Variants in NRG1 observed in about 807,000 individuals in gnomAD.
The protein encoded by NRG1 is neuregulin 1.
Under a neutral mutation model 63.8 loss-of-function variants are expected in NRG1, and 18 were observed. The observed-to-expected ratio is 0.28, with a 90% CI of 0.19 to 0.42. NRG1 has a LOEUF of 0.42. Among genes scored for constraint, NRG1 ranks in the 10% least tolerant of loss-of-function variants. The pLI is 1.00. For missense variants in NRG1, 762 were observed against 814.7 expected (o/e 0.94, Z 0.79); for synonymous variants, 302 against 301.3 (o/e 1.00, Z -0.02).
chr8:32,340,293 G>C (rs1042412348), intron 1 of NRG1, among the ~76,000 whole-genome samples: 2 of 152,142 alleles, frequency 1.3e-5, no homozygotes, highest in African/African-American at 2.4e-5. Flanking sequence ...TCCTGGGGCA[G>C]GCTTAATGAC....
intron 1 of NRG1, among the ~76,000 whole-genome samples, chr8:32,035,783 T>G (rs549353102): frequency 4.9e-4 from 74 of 152,330 alleles, no homozygotes; most frequent in African/African-American, 1.5e-3. Flanking sequence ...GTTTTCCACT[T>G]GCTTGGTAAA....
At chr8:32,647,183 G>T (rs959600306) in intron 5 of NRG1, 1 of 985,332 alleles carries the variant, frequency 1.0e-6, no homozygotes, top group Non-Finnish European at 1.2e-6. Context: ...TTCAGCCGTC[G>T]TCGCGTTAAC....
intron 3 of NRG1, among the ~76,000 whole-genome samples, chr8:32,607,492 A>G (rs914095794): frequency 6.6e-6 from 1 of 152,186 alleles, no homozygotes; most frequent in Admixed American, 6.5e-5. Context: ...GAAGTATCAT[A>G]TTGATTATTC....
At chr8:32,479,125 C>T (rs1234565581) in intron 1 of NRG1, among the ~76,000 whole-genome samples, 10 of 152,034 alleles carry the variant, frequency 6.6e-5, no homozygotes, top group Admixed American at 2.6e-4. Context: ...CAGACCCTGG[C>T]GGAGTGCCAA....
At chr8:32,067,755 A>G (rs117343002) in intron 1 of NRG1, among the ~76,000 whole-genome samples, 1 of 152,342 alleles carries the variant, frequency 6.6e-6, no homozygotes, top group East Asian at 1.9e-4. Flanking sequence ...TTCCAAGTAC[A>G]TTAACTATGT....
At chr8:32,526,946 A>T (rs771311569) in intron 1 of NRG1, among the ~76,000 whole-genome samples, 2 of 152,124 alleles carry the variant, frequency 1.3e-5, no homozygotes, top group Non-Finnish European at 2.9e-5. Flanking sequence ...TACCTAAGAA[A>T]TCTAGTCTCA....
intron 1 of NRG1, among the ~76,000 whole-genome samples, chr8:32,195,573 A>G (rs1586003545): frequency 6.6e-6 from 1 of 152,236 alleles, no homozygotes; most frequent in East Asian, 1.9e-4. Context: ...TGTTTGGTTT[A>G]CTAATCCACA....
At position 31,924,350 on chromosome 8, in the gene NRG1, C is replaced by CA. The variant is rs5890605; in HGVS notation, c.37+284933dup. ...TGGGCAATACAGGGAGACTCCATCT[C>CA]AAAAAAAAAAAAAATTGCTTATCCA... On this transcript the variant is annotated intron_variant, in intron 1 of 10. Transcript: ENST00000519301. Among the ~76,000 whole-genome samples, 504 of 145,792 alleles carry CA rather than the reference C, an allele frequency of 3.5e-3. 1 individual carries two copies. Among genetic ancestry groups the CA allele is most frequent in the Middle Eastern group, 0.014 (4 of 282 alleles).
intron 1 of NRG1, among the ~76,000 whole-genome samples, chr8:32,160,442 ACAGT>A (rs1838700333): frequency 6.6e-6 from 1 of 152,242 alleles, no homozygotes; most frequent in South Asian, 2.1e-4. Flanking sequence ...GAGGAAACTG[ACAGT>A]CAGTGATGCT....
At chr8:32,091,367 T>A (rs1829133073) in intron 1 of NRG1, among the ~76,000 whole-genome samples, 1 of 152,124 alleles carries the variant, frequency 6.6e-6, no homozygotes, top group Non-Finnish European at 1.5e-5. Context: ...CAATGACATT[T>A]ACAATGATCA....
rs372782723 is a variant in NRG1 at position 31,718,178 on chromosome 8, AT to A, written c.37+78758del. Reference sequence around the variant, plus strand: ...TCTAGAAGATAACTGCTAGTTCTACATTTTTTTTTTTGTCTGAAGTTGTGTT... The same window carrying A: ...TCTAGAAGATAACTGCTAGTTCTACATTTTTTTTTTGTCTGAAGTTGTGTT... On this transcript the variant is annotated intron_variant, in intron 1 of 10. Transcript: ENST00000519301. 7.0e-3 allele frequency among the ~76,000 whole-genome samples: 1,014 copies of A among 145,422 alleles called. 14 individuals carry two copies. Among genetic ancestry groups the A allele is most frequent in the African/African-American group, 0.019 (775 of 40,024 alleles).
intron 1 of NRG1, among the ~76,000 whole-genome samples, chr8:32,225,572 A>C (rs1402667947): frequency 6.6e-6 from 1 of 152,086 alleles, no homozygotes; most frequent in Non-Finnish European, 1.5e-5. Flanking sequence ...ATTATGGAGC[A>C]TTTGGGGGTG....
At chr8:32,338,995 G>T (rs990722501) in intron 1 of NRG1, among the ~76,000 whole-genome samples, 5 of 152,090 alleles carry the variant, frequency 3.3e-5, no homozygotes, top group Admixed American at 2.0e-4. Flanking sequence ...ATAAGGAATA[G>T]ATCCCTGATA....
chr8:32,410,534 G>A (rs965902359), intron 1 of NRG1, among the ~76,000 whole-genome samples: 1 of 152,072 alleles, frequency 6.6e-6, no homozygotes, highest in African/African-American at 2.4e-5. Context: ...GAACAATTTA[G>A]GAAAATAAGT....
At chr8:31,665,370 C>T (rs549240721) in intron 1 of NRG1, among the ~76,000 whole-genome samples, 2 of 152,218 alleles carry the variant, frequency 1.3e-5, no homozygotes, top group African/African-American at 4.8e-5. Context: ...AACAAGAAAG[C>T]AAGTATTTTG....
chr8:32,597,349 ATTTTC>A (rs1453753167), intron 2 of NRG1, among the ~76,000 whole-genome samples: 2 of 152,048 alleles, frequency 1.3e-5, no homozygotes, highest in Non-Finnish European at 2.9e-5. Flanking sequence ...TGATGACTGT[ATTTTC>A]TTTTCTAGTT....
At chr8:31,643,356 C>T (rs1463728257) in intron 1 of NRG1, among the ~76,000 whole-genome samples, 3 of 152,248 alleles carry the variant, frequency 2.0e-5, no homozygotes, top group African/African-American at 7.2e-5. Flanking sequence ...CTGCTGCTCT[C>T]AGCTGCTGTG....
chr8:32,421,212 A>G (rs1021281640), intron 1 of NRG1, among the ~76,000 whole-genome samples: 2 of 152,194 alleles, frequency 1.3e-5, no homozygotes, highest in Admixed American at 1.3e-4. Flanking sequence ...TAAATCCTTT[A>G]CTATAGACCC....
intron 1 of NRG1, among the ~76,000 whole-genome samples, chr8:32,319,246 A>G (rs1801104519): frequency 6.6e-6 from 1 of 152,154 alleles, no homozygotes; most frequent in Admixed American, 6.5e-5. Context: ...GTGTTGATGG[A>G]AACAGGACCC....
Sources: gnomAD v4.1 joint callset for allele counts (sites outside exome capture counted in the v4.1 genomes callset) on GRCh38, gnomAD v4.1.1 for gene constraint, MANE v1.5 for transcripts, NCBI Gene and HGNC (gene_info 2026-07-23, HGNC 2026-07-21) for gene names.